DNAAF4: variants seen among roughly 807,000 people sequenced by gnomAD.
The protein encoded by DNAAF4 is dynein assembly factor 4, axonemal.
Under a neutral mutation model 51.8 loss-of-function variants are expected in DNAAF4, and 43 were observed. That is an observed-to-expected ratio of 0.83 (90% CI 0.65 to 1.07). The LOEUF is 1.07. Among genes scored for constraint, DNAAF4 ranks in the 50% least tolerant of loss-of-function variants. DNAAF4 has a pLI of 0.00. For missense variants in DNAAF4, 581 were observed against 493.0 expected (o/e 1.18, Z -1.69); for synonymous variants, 194 against 165.6 (o/e 1.17, Z -1.32).
rs374359829 is a variant in DNAAF4 at position 55,433,995 on chromosome 15, A to ATTATATATATTCTTATATATAATATAT, written c.1047+909_1047+910insATATATTATATATAAGAATATATATAA. Among the ~76,000 whole-genome samples the ATTATATATATTCTTATATATAATATAT allele has an allele frequency of 4.2e-4, 14 of 33,306 alleles. No individual in the cohort carries two copies. In the Admixed American group the frequency reaches 9.0e-3, roughly 21 times the overall value. 21.9% of individuals were successfully genotyped at this position (33,306 alleles called of 152,430 possible). On this transcript the variant is annotated intron_variant, in intron 8 of 9. Coordinates refer to ENST00000321149, the MANE Select transcript of DNAAF4 (RefSeq NM_130810.4). ...TTTATATATTATATATAATATATAT[A>ATTATATATATTCTTATATATAATATAT]ATATTATATATATTATATATATTCT...
intron 4 of DNAAF4, among the ~76,000 whole-genome samples, chr15:55,490,436 T>C (rs895691266): frequency 3.9e-5 from 6 of 152,188 alleles, no homozygotes; most frequent in African/African-American, 7.2e-5. Flanking sequence ...TCAAAAAATA[T>C]ATTGCTGATT....
chr15:55,486,703 G>C (rs978242488), intron 4 of DNAAF4, among the ~76,000 whole-genome samples: 1 of 151,428 alleles, frequency 6.6e-6, no homozygotes, highest in Non-Finnish European at 1.5e-5. Context: ...AGGATCTCTC[G>C]AACCTGCGAG....
At chr15:55,458,941 T>C (rs1478435391) in intron 5 of DNAAF4, among the ~76,000 whole-genome samples, 1 of 151,960 alleles carries the variant, frequency 6.6e-6, no homozygotes, top group Non-Finnish European at 1.5e-5. Context: ...CCAGGCGTGG[T>C]GGCAGGTGCC....
chr15:55,428,216 A>T (rs1198869175), downstream of DNAAF4, among the ~76,000 whole-genome samples: 13 of 152,068 alleles, frequency 8.5e-5, no homozygotes, highest in Admixed American at 5.2e-4. Context: ...AGTGTCCCAA[A>T]GTGCTGGGAT....
intron 5 of DNAAF4, among the ~76,000 whole-genome samples, chr15:55,451,442 G>A (rs1379356088): frequency 1.3e-5 from 2 of 152,128 alleles, no homozygotes; most frequent in Admixed American, 1.3e-4. Flanking sequence ...TTCTAGGTAT[G>A]TAAGAACTCA....
Position 55,497,841 on chromosome 15 carries a change from A to G in DNAAF4, c.142T>C (p.Leu48=), listed in dbSNP as rs1278965129. The G allele has an allele frequency of 1.2e-6, 2 of 1,611,280 alleles. No individual in the cohort carries two copies. Among genetic ancestry groups the G allele is most frequent in the Non-Finnish European group, 1.7e-6 (2 of 1,179,206 alleles). Residue 48 remains leucine, a synonymous_variant, in exon 3 of 10, where the codon TTA becomes CTA. Transcript: ENST00000321149. ...NYLKVNFPPF[L]FEAFLYAPID... ...GGAGCATAAAGAAATGCCTCAAATA[A>G]AAATGGAGGAAAGTTGACCTATGCA...
intron 5 of DNAAF4, among the ~76,000 whole-genome samples, chr15:55,462,514 C>G (rs1283817882): frequency 6.6e-6 from 1 of 151,702 alleles, no homozygotes; most frequent in Non-Finnish European, 1.5e-5. Flanking sequence ...AACAGACATT[C>G]TAAGAGAACT....
At chr15:55,424,754 G>T (rs543043764) in intron 7 of DNAAF4, among the ~76,000 whole-genome samples, 2 of 152,068 alleles carry the variant, frequency 1.3e-5, no homozygotes, top group South Asian at 4.2e-4. Context: ...GTAGAGACAG[G>T]GTTTCACCAT....
intron 4 of DNAAF4, among the ~76,000 whole-genome samples, chr15:55,472,267 G>A (rs912249896): frequency 7.9e-5 from 12 of 152,130 alleles, no homozygotes; most frequent in African/African-American, 2.4e-4. Flanking sequence ...GAAGACACAC[G>A]GAGGAATATG....
At chr15:55,427,900 G>T (rs577646558), downstream of DNAAF4, among the ~76,000 whole-genome samples, 1 of 151,616 alleles carries the variant, frequency 6.6e-6, no homozygotes, top group African/African-American at 2.4e-5. Context: ...CTCCCAAAGT[G>T]CTGGGATTGC....
intron 6 of DNAAF4, among the ~76,000 whole-genome samples, chr15:55,443,949 C>T (rs7163097): frequency 0.98 from 149,535 of 152,182 alleles, 73,515 homozygotes; most frequent in East Asian, 1. Context: ...ATTAGCCCTT[C>T]GTCAGATGAG....
chr15:55,486,977 A>G (rs1031138895), intron 4 of DNAAF4, among the ~76,000 whole-genome samples: 3 of 152,160 alleles, frequency 2.0e-5, no homozygotes, highest in African/African-American at 7.2e-5. Context: ...AACCTCTTCA[A>G]ACTCATTAGC....
intron 6 of DNAAF4, chr15:55,442,726 A>T (rs2057733817): frequency 1.9e-6 from 3 of 1,547,058 alleles, no homozygotes; most frequent in Non-Finnish European, 2.7e-6. Context: ...ATTACTGGAA[A>T]CAAAAAATTT....
At chr15:55,461,881 C>T (rs1250346467) in intron 5 of DNAAF4, among the ~76,000 whole-genome samples, 1 of 152,006 alleles carries the variant, frequency 6.6e-6, no homozygotes, top group African/African-American at 2.4e-5. Flanking sequence ...AACTGATAGA[C>T]CATTAGTAAG....
chr15:55,470,603 G>A (rs565462271), intron 4 of DNAAF4, among the ~76,000 whole-genome samples: 15 of 151,066 alleles, frequency 9.9e-5, no homozygotes, highest in South Asian at 4.2e-4. Context: ...GTGCAATGGC[G>A]CAATCATGGC....
chr15:55,493,663 T>A (rs57481497), intron 3 of DNAAF4, among the ~76,000 whole-genome samples: 6,215 of 151,956 alleles, frequency 0.041, 404 homozygotes, highest in African/African-American at 0.14. Flanking sequence ...GAAAAAAAAA[T>A]GGTTAAATAA....
intron 8 of DNAAF4, 24 bp downstream of exon 8, chr15:55,434,881 T>C (rs2057582745): frequency 6.4e-7 from 1 of 1,562,704 alleles, no homozygotes; most frequent in South Asian, 1.2e-5. Context: ...TAAAGCACCA[T>C]ATATCATACA....
At position 55,463,172 on chromosome 15, in the gene DNAAF4, T is replaced by TCACACACACACA. The variant is rs3221985; in HGVS notation, c.637+3746_637+3757dup. On this transcript the variant is annotated intron_variant, in intron 5 of 9. Coordinates refer to ENST00000321149, the MANE Select transcript of DNAAF4 (RefSeq NM_130810.4). ...CTAAGGAACACAGTGAGACTCTGTC[T>TCACACACACACA]CACACACACACACACACACACACAC... 1.1e-3 allele frequency among the ~76,000 whole-genome samples: 158 copies of TCACACACACACA among 140,378 alleles called. 1 individual carries two copies. The highest frequency in any genetic ancestry group is 3.8e-3 in the African/African-American group (137 of 36,406). 92.1% of individuals were successfully genotyped at this position (140,378 alleles called of 152,430 possible). A position where few individuals can be genotyped will look rare whatever the true frequency, so the allele number is the denominator to read the frequency against.
intron 4 of DNAAF4, among the ~76,000 whole-genome samples, chr15:55,486,597 C>T (rs1206307187): frequency 1.3e-5 from 2 of 151,984 alleles, no homozygotes; most frequent in Non-Finnish European, 2.9e-5. Context: ...TGCTGGGCAA[C>T]ATAGTTAGAC....
Sources: gnomAD v4.1 joint callset for allele counts (sites outside exome capture counted in the v4.1 genomes callset) on GRCh38, gnomAD v4.1.1 for gene constraint, MANE v1.5 for transcripts, NCBI Gene and HGNC (gene_info 2026-07-23, HGNC 2026-07-21) for gene names.